DKK2: variants seen among roughly 807,000 people sequenced by gnomAD.
DKK2 encodes the protein dickkopf Wnt signaling pathway inhibitor 2.
DKK2 carries 11 observed loss-of-function variants against 28.1 expected under a neutral mutation model. That is an observed-to-expected ratio of 0.39 (90% CI 0.25 to 0.65). The LOEUF is 0.65. Among genes scored for constraint, DKK2 ranks in the 30% least tolerant of loss-of-function variants. DKK2 has a pLI of 0.47. For synonymous variants in DKK2, 135 were observed against 126.5 expected (o/e 1.07, Z -0.45); for missense variants, 326 against 335.5 (o/e 0.97, Z 0.22).
At position 107,018,284 on chromosome 4, in the gene DKK2, T is replaced by C. The variant is rs1025933610; in HGVS notation, c.222+17086A>G. The stretch of plus-strand genomic sequence containing the variant: ...AGGTCCAAATTAGAACACCTGTGTG[T>C]CAGACCGGCCCAGCTGTACATGTGG... On this transcript the variant is annotated intron_variant, in intron 1 of 3. Coordinates refer to ENST00000285311, the MANE Select transcript of DKK2 (RefSeq NM_014421.3). Among the ~76,000 whole-genome samples the C allele has an allele frequency of 5.9e-5, 9 of 152,180 alleles. 1 individual carries two copies. The highest frequency in any genetic ancestry group is 5.9e-4 in the Admixed American group (9 of 15,282).
intron 1 of DKK2, among the ~76,000 whole-genome samples, chr4:106,963,905 GT>G (rs1483899021): frequency 6.6e-6 from 1 of 152,046 alleles, no homozygotes; most frequent in Non-Finnish European, 1.5e-5. Flanking sequence ...TGTATACCCG[GT>G]TTTCCCAGTA....
rs543483354 is a variant in DKK2, at chr4:106,934,758, T to C, written c.223-8809A>G. Among the ~76,000 whole-genome samples the C allele has an allele frequency of 2.0e-5, 3 of 152,354 alleles. No individual in the cohort carries two copies. The East Asian group carries it at 5.8e-4, about 29-fold the overall frequency. Reference sequence around the variant, plus strand: ...AGGAAGCAGATAAAATTTGAAAGACTGTTCTTTCATGGTTGGGAAGATAGA... The same window carrying C: ...AGGAAGCAGATAAAATTTGAAAGACCGTTCTTTCATGGTTGGGAAGATAGA... On this transcript the variant is annotated intron_variant, in intron 1 of 3. Transcript: ENST00000285311.
chr4:107,001,836 T>C (rs928878255), intron 1 of DKK2, among the ~76,000 whole-genome samples: 14 of 152,214 alleles, frequency 9.2e-5, no homozygotes, highest in African/African-American at 3.1e-4. Flanking sequence ...ATCTATGCAT[T>C]AAAGATGATT....
rs116454253 is a variant in DKK2 at position 107,015,312 on chromosome 4, G to A, written c.222+20058C>T. On this transcript the variant is annotated intron_variant, in intron 1 of 3. Transcript: ENST00000285311. ...CATTCTCTTTGCTACTAATAAGATC[G>A]AGGACCTATACAAATACTTATTAGC... Among the ~76,000 whole-genome samples, 422 of 151,574 alleles carry A rather than the reference G, an allele frequency of 2.8e-3. 3 individuals carry two copies. Among genetic ancestry groups the A allele is most frequent in the African/African-American group, 9.8e-3 (405 of 41,470 alleles).
At chr4:107,012,075 A>T (rs1055576602) in intron 1 of DKK2, among the ~76,000 whole-genome samples, 3 of 151,312 alleles carry the variant, frequency 2.0e-5, no homozygotes, top group Admixed American at 2.0e-4. Flanking sequence ...TGCCATTTAA[A>T]TAACAAAAAT....
chr4:106,999,819 T>C (rs905302329), intron 1 of DKK2, among the ~76,000 whole-genome samples: 1 of 152,194 alleles, frequency 6.6e-6, no homozygotes, highest in Non-Finnish European at 1.5e-5. Context: ...TGATATTCTA[T>C]AGACATATAA....
intron 1 of DKK2, among the ~76,000 whole-genome samples, chr4:106,972,027 A>C (rs1416840284): frequency 1.3e-5 from 2 of 152,112 alleles, no homozygotes; most frequent in Non-Finnish European, 2.9e-5. Context: ...TTGTGATGCT[A>C]GCTAATATGT....
intron 1 of DKK2, among the ~76,000 whole-genome samples, chr4:106,984,686 G>A (rs1321001490): frequency 6.6e-6 from 1 of 152,180 alleles, no homozygotes; most frequent in Non-Finnish European, 1.5e-5. Context: ...TGTGGCTAAT[G>A]TGACTAATGC....
At chr4:106,996,558 C>G (rs79513879) in intron 1 of DKK2, among the ~76,000 whole-genome samples, 2,945 of 152,274 alleles carry the variant, frequency 0.019, 40 homozygotes, top group Middle Eastern at 0.037. Flanking sequence ...AGAAAGGGTG[C>G]TGTCTGGTGA....
intron 1 of DKK2, among the ~76,000 whole-genome samples, chr4:106,957,443 C>G (rs1377781374): frequency 6.6e-6 from 1 of 151,996 alleles, no homozygotes; most frequent in East Asian, 1.9e-4. Context: ...GCTGTAAAGA[C>G]ACAGGCACAC....
chr4:107,025,338 T>C (rs1358029215), intron 1 of DKK2, among the ~76,000 whole-genome samples: 1 of 152,150 alleles, frequency 6.6e-6, no homozygotes, highest in Non-Finnish European at 1.5e-5. Context: ...TTAAAAAATT[T>C]TTTTAAAGAT....
chr4:107,022,679 T>C (rs193157174), intron 1 of DKK2, among the ~76,000 whole-genome samples: 100 of 152,282 alleles, frequency 6.6e-4, no homozygotes, highest in African/African-American at 2.3e-3. Context: ...AGAAGTGGTG[T>C]AGATAATGTT....
At chr4:106,965,002 T>TAGAC (rs1553922206) in intron 1 of DKK2, among the ~76,000 whole-genome samples, 49 of 147,094 alleles carry the variant, frequency 3.3e-4, no homozygotes, top group African/African-American at 1.2e-3. Context: ...GATAGATAGA[T>TAGAC]AGATTGATTG....
At chr4:106,934,873 CA>C (rs908936786) in intron 1 of DKK2, among the ~76,000 whole-genome samples, 1 of 152,136 alleles carries the variant, frequency 6.6e-6, no homozygotes, top group Non-Finnish European at 1.5e-5. Flanking sequence ...TTAAGGGCTA[CA>C]AAATTTTTGC....
chr4:107,030,758 C>T (rs989750543), intron 1 of DKK2, among the ~76,000 whole-genome samples: 4 of 151,772 alleles, frequency 2.6e-5, no homozygotes, highest in East Asian at 1.9e-4. Flanking sequence ...AAAATGTAAC[C>T]GATTATTTTA....
intron 2 of DKK2, 135 bp downstream of exon 2, chr4:106,925,664 T>A: frequency 8.5e-6 from 10 of 1,176,162 alleles, no homozygotes; most frequent in Non-Finnish European, 1.1e-5. Flanking sequence ...CAGGTAATCT[T>A]ACACTACCTA....
intron 1 of DKK2, among the ~76,000 whole-genome samples, chr4:106,947,390 C>T (rs1724792664): frequency 1.3e-5 from 2 of 152,000 alleles, no homozygotes; most frequent in South Asian, 4.2e-4. Context: ...TACCCTGTGA[C>T]AACAGCTTGA....
chr4:106,922,592 G>T lies in DKK2; in HGVS notation c.*1362C>A, dbSNP rs1205908047. The T allele has an allele frequency of 6.6e-6, 1 of 152,200 alleles. No individual in the cohort carries two copies. The highest frequency in any genetic ancestry group is 1.5e-5 in the Non-Finnish European group (1 of 68,038). The allele number at this position is 152,200 out of a possible 1,614,324, so 9.4% of individuals were successfully genotyped here. A position where few individuals can be genotyped will look rare whatever the true frequency, so the allele number is the denominator to read the frequency against. ...GAAAATTGGATGATGCCATTGGCTA[G>T]TCAGAAGCTTATAGAGGGCAATGAA... On this transcript the variant is annotated 3_prime_UTR_variant, in exon 4 of 4. Coordinates refer to ENST00000285311, the MANE Select transcript of DKK2 (RefSeq NM_014421.3).
intron 1 of DKK2, among the ~76,000 whole-genome samples, chr4:106,971,414 G>A (rs1722866863): frequency 6.6e-6 from 1 of 152,042 alleles, no homozygotes; most frequent in African/African-American, 2.4e-5. Flanking sequence ...GCTGGAAGAG[G>A]AAATAACTGT....
Sources: allele counts gnomAD v4.1 joint callset (sites outside exome capture counted in the v4.1 genomes callset), GRCh38; gene constraint gnomAD v4.1.1; transcripts MANE v1.5; gene names NCBI Gene and HGNC (gene_info 2026-07-23, HGNC 2026-07-21).